Variants in FAM184A observed in about 807,000 individuals in gnomAD.
FAM184A encodes protein FAM184A.
In FAM184A, 99 loss-of-function variants were observed where a neutral mutation model predicts 143.8. The observed-to-expected ratio is 0.69, with a 90% CI of 0.58 to 0.81. FAM184A has a LOEUF of 0.81. FAM184A is among the 40% of genes least tolerant of loss of function. The pLI is 0.00. For missense variants in FAM184A, 1,217 were observed against 1,310.5 expected, an observed-to-expected ratio of 0.93 and a Z score of 1.10; for synonymous variants, 427 against 446.4, an observed-to-expected ratio of 0.96 and a Z score of 0.55.
chr6:119,056,989 T>C (rs746368420), intron 1 of FAM184A, among the ~76,000 whole-genome samples: 19 of 152,236 alleles, frequency 1.2e-4, no homozygotes, highest in Non-Finnish European at 2.5e-4. Flanking sequence ...AATTAACCCA[T>C]TTATGCCGAA....
At position 119,024,479 on chromosome 6, in the gene FAM184A, A is replaced by G; in HGVS notation, c.494T>C (p.Phe165Ser). Reference sequence around the variant, plus strand: ...TCCAAAGCTCCGTAATTTTTCTTCAAATTTCCTTCTAATCTCTTCGACTTC... The same window carrying G: ...TCCAAAGCTCCGTAATTTTTCTTCAGATTTCCTTCTAATCTCTTCGACTTC... The part of the protein sequence containing the change: ...SREVEEIRRK[F>S]EEKLRSFGQL... Residue 165 changes from phenylalanine (F) to serine (S), a missense_variant, in exon 2 of 18, where the codon TTT becomes TCT. Transcript: ENST00000338891. 2 of 1,613,498 alleles carry G rather than the reference A, an allele frequency of 1.2e-6. No homozygotes were observed. The highest frequency in any genetic ancestry group is 1.7e-6 in the Non-Finnish European group (2 of 1,179,858).
intron 11 of FAM184A, among the ~76,000 whole-genome samples, chr6:118,978,921 A>C (rs540737806): frequency 6.6e-6 from 1 of 152,352 alleles, no homozygotes; most frequent in Non-Finnish European, 1.5e-5. Context: ...AACACCTCAT[A>C]GGTAGAAATC....
intron 1 of FAM184A, among the ~76,000 whole-genome samples, chr6:119,112,723 A>G (rs1182004342): frequency 2.0e-5 from 3 of 152,224 alleles, no homozygotes; most frequent in African/African-American, 7.2e-5. Flanking sequence ...ATGGACTGCA[A>G]TCCTGTCTCA....
At chr6:119,068,419 C>G (rs768539217) in intron 1 of FAM184A, among the ~76,000 whole-genome samples, 5 of 152,128 alleles carry the variant, frequency 3.3e-5, no homozygotes, top group Non-Finnish European at 7.4e-5. Context: ...ATAGTGGGTA[C>G]AAACTGACTT....
At chr6:119,124,292 A>G (rs1789299951) in intron 1 of FAM184A, among the ~76,000 whole-genome samples, 1 of 152,138 alleles carries the variant, frequency 6.6e-6, no homozygotes, top group East Asian at 1.9e-4. Flanking sequence ...ATATATGTCA[A>G]CTATGTAAAT....
At chr6:118,986,435 T>C (rs1485601711) in intron 9 of FAM184A, among the ~76,000 whole-genome samples, 1 of 152,216 alleles carries the variant, frequency 6.6e-6, no homozygotes, top group Non-Finnish European at 1.5e-5. Context: ...AATTCTTGTA[T>C]GGAAAGCTGG....
At chr6:118,993,063 T>C (rs752774835) in intron 9 of FAM184A, among the ~76,000 whole-genome samples, 87 of 152,360 alleles carry the variant, frequency 5.7e-4, no homozygotes, top group Middle Eastern at 6.8e-3. Flanking sequence ...AACATTTGTA[T>C]GTAAAAATAC....
intron 9 of FAM184A, among the ~76,000 whole-genome samples, chr6:118,995,608 G>T (rs1156723039): frequency 6.6e-6 from 1 of 152,140 alleles, no homozygotes; most frequent in African/African-American, 2.4e-5. Context: ...GTCACAAACT[G>T]TTGTTCGATA....
intron 4 of FAM184A, among the ~76,000 whole-genome samples, chr6:119,018,912 T>C (rs1394340552): frequency 6.6e-6 from 1 of 151,178 alleles, no homozygotes; most frequent in Non-Finnish European, 1.5e-5. Flanking sequence ...GTGCTATTGG[T>C]TGAAATAAGG....
At chr6:119,055,907 G>C (rs1206275537) in intron 1 of FAM184A, among the ~76,000 whole-genome samples, 1 of 151,662 alleles carries the variant, frequency 6.6e-6, no homozygotes. Context: ...CTTTTCTGGG[G>C]CCTGGCCTTT....
intron 9 of FAM184A, among the ~76,000 whole-genome samples, chr6:118,989,801 C>CATTT (rs149164113): frequency 0.14 from 20,093 of 144,774 alleles, 1,472 homozygotes; most frequent in East Asian, 0.23. Flanking sequence ...AGTATTTTTA[C>CATTT]ATTTATTTAT....
At position 118,979,889 on chromosome 6, in the gene FAM184A, A is replaced by AAAATT. The variant is rs1369547707; in HGVS notation, c.2301+244_2301+248dup. ...GAGACCCTGTTTCTACAAAAAAAAA[A>AAAATT]AAATTAAAAAATTAGCCAGGCATGG... On this transcript the variant is annotated intron_variant, in intron 10 of 17. Coordinates refer to ENST00000338891, the MANE Select transcript of FAM184A (RefSeq NM_024581.6). Among the ~76,000 whole-genome samples the AAAATT allele has an allele frequency of 7.9e-5, 12 of 151,802 alleles. No homozygotes were observed. In the East Asian group the frequency reaches 2.3e-3, roughly 30 times the overall value.
chr6:119,016,579 A>G (rs1785263005), intron 5 of FAM184A, among the ~76,000 whole-genome samples, 168 bp downstream of exon 5: 1 of 152,026 alleles, frequency 6.6e-6, no homozygotes, highest in African/African-American at 2.4e-5. Flanking sequence ...TCTGAACATC[A>G]GAAGGGGCAG....
chr6:119,023,910 T>A (rs748623349), intron 2 of FAM184A, 49 bp downstream of exon 2: 137 of 1,495,730 alleles, frequency 9.2e-5, no homozygotes, highest in Non-Finnish European at 2.7e-6. Context: ...AAACAAATAT[T>A]TTTAAAAGAA....
intron 1 of FAM184A, among the ~76,000 whole-genome samples, chr6:119,077,457 T>C (rs936633859): frequency 1.3e-5 from 2 of 152,212 alleles, no homozygotes; most frequent in African/African-American, 4.8e-5. Flanking sequence ...TTATCAACAT[T>C]AAATTAGAAA....
At chr6:118,994,349 A>G (rs962931510) in intron 9 of FAM184A, among the ~76,000 whole-genome samples, 1 of 151,704 alleles carries the variant, frequency 6.6e-6, no homozygotes, top group Non-Finnish European at 1.5e-5. Context: ...AAATAAATAA[A>G]TAAATATGGA....
rs1210058414 is a variant in FAM184A, at chr6:118,994,302, CT to C, written c.2088+8596del. On this transcript the variant is annotated intron_variant, in intron 9 of 17. Coordinates refer to ENST00000338891, the MANE Select transcript of FAM184A (RefSeq NM_024581.6). ...ATGAAAGAACATGCAAAAGTAATTT[CT>C]TACTACTGATTTCAATACCTCGAGT... Among the ~76,000 whole-genome samples, 12 of 151,544 alleles carry C rather than the reference CT, an allele frequency of 7.9e-5. 1 individual carries two copies. The highest frequency in any genetic ancestry group is 2.9e-4 in the African/African-American group (12 of 41,418).
At chr6:119,146,840 TG>T (rs1205849567) in intron 1 of FAM184A, among the ~76,000 whole-genome samples, 5 of 152,046 alleles carry the variant, frequency 3.3e-5, no homozygotes, top group African/African-American at 7.3e-5. Context: ...GTGCACAGAT[TG>T]GAGCTCTTCC....
At chr6:119,006,981 T>C (rs893039053) in intron 6 of FAM184A, among the ~76,000 whole-genome samples, 3 of 152,170 alleles carry the variant, frequency 2.0e-5, no homozygotes, top group Non-Finnish European at 4.4e-5. Context: ...CCTTTAAAAT[T>C]TAATCACATA....
Sources: allele counts gnomAD v4.1 joint callset (sites outside exome capture counted in the v4.1 genomes callset), GRCh38; gene constraint gnomAD v4.1.1; transcripts MANE v1.5; gene names NCBI Gene and HGNC (gene_info 2026-07-23, HGNC 2026-07-21).